The following AGBL1 variants were observed in gnomAD, a reference collection of about 807,000 sequenced individuals.
AGBL1 encodes the protein AGBL carboxypeptidase 1, also known as cytosolic carboxypeptidase 4.
In AGBL1, 130 loss-of-function variants were observed where a neutral mutation model predicts 118.9. That is an observed-to-expected ratio of 1.09 (90% CI 0.95 to 1.26). The LOEUF is 1.26. Among genes scored for constraint, AGBL1 ranks in the 50% most tolerant of loss-of-function variants. The probability of loss-of-function intolerance (pLI) is 0.00; values close to 1 mark genes in which losing one functional copy is unlikely to be tolerated. For missense variants in AGBL1, 1,584 were observed against 1,298.1 expected, an observed-to-expected ratio of 1.22 and a Z score of -3.38; for synonymous variants, 555 against 478.9, an observed-to-expected ratio of 1.16 and a Z score of -2.08.
At chr15:86,845,494 A>G (rs976418187) in intron 22 of AGBL1, among the ~76,000 whole-genome samples, 3 of 151,972 alleles carry the variant, frequency 2.0e-5, no homozygotes, top group Non-Finnish European at 2.9e-5. Flanking sequence ...GCTTTGCCCA[A>G]TTTGGTTTGC....
chr15:86,578,580 C>T (rs575619904), intron 21 of AGBL1, among the ~76,000 whole-genome samples: 1 of 152,136 alleles, frequency 6.6e-6, no homozygotes, highest in Non-Finnish European at 1.5e-5. Flanking sequence ...TATGGTTTGG[C>T]TGTATCCCCA....
intron 1 of AGBL1, among the ~76,000 whole-genome samples, chr15:86,132,742 C>G (rs892212719): frequency 6.6e-6 from 1 of 152,164 alleles, no homozygotes; most frequent in Admixed American, 6.5e-5. Flanking sequence ...ACGTGCCGGG[C>G]ATTGTTGACA....
chr15:86,692,126 T>A (rs1047068097), intron 22 of AGBL1, among the ~76,000 whole-genome samples: 3 of 151,726 alleles, frequency 2.0e-5, no homozygotes, highest in African/African-American at 7.3e-5. Context: ...TGCAGTGAGC[T>A]GACATTGCAC....
At chr15:86,709,041 G>C (rs1365477744) in intron 22 of AGBL1, among the ~76,000 whole-genome samples, 3 of 152,072 alleles carry the variant, frequency 2.0e-5, no homozygotes, top group Non-Finnish European at 4.4e-5. Context: ...TTTTCTCAAA[G>C]CTCAAATGCC....
intron 18 of AGBL1, among the ~76,000 whole-genome samples, chr15:86,438,202 G>A (rs372213588): frequency 6.6e-6 from 1 of 152,058 alleles, no homozygotes; most frequent in African/African-American, 2.4e-5. Context: ...CACTGCACCC[G>A]GCCAAGCCTC....
intron 24 of AGBL1, among the ~76,000 whole-genome samples, chr15:87,014,991 T>A (rs971865949): frequency 3.3e-5 from 5 of 152,074 alleles, no homozygotes; most frequent in African/African-American, 1.2e-4. Context: ...GTGGTGAAGA[T>A]TGCGCTCAAT....
chr15:86,203,967 A>C (rs537378683), intron 5 of AGBL1, among the ~76,000 whole-genome samples: 1 of 152,170 alleles, frequency 6.6e-6, no homozygotes. Context: ...TAAAATAAAA[A>C]TTTATTTATG....
intron 21 of AGBL1, among the ~76,000 whole-genome samples, chr15:86,561,125 A>C (rs2083812816): frequency 6.6e-6 from 1 of 152,132 alleles, no homozygotes; most frequent in South Asian, 2.1e-4. Context: ...TGCTGTGCAG[A>C]AGCTCTTTAG....
chr15:86,820,464 A>G (rs906458394), intron 22 of AGBL1, among the ~76,000 whole-genome samples: 5 of 151,926 alleles, frequency 3.3e-5, no homozygotes, highest in Admixed American at 3.3e-4. Context: ...ATCCCATCAA[A>G]AAGGAACTTA....
chr15:86,200,686 G>T (rs185992589), intron 5 of AGBL1, among the ~76,000 whole-genome samples: 1 of 150,546 alleles, frequency 6.6e-6, no homozygotes, highest in Admixed American at 6.6e-5. Context: ...GCGCGATCTC[G>T]GCTCACTGCA....
chr15:86,137,495 C>T (rs2076904586), intron 1 of AGBL1, among the ~76,000 whole-genome samples: 1 of 152,160 alleles, frequency 6.6e-6, no homozygotes. Context: ...ATGTGGGGGG[C>T]TCCTTAGAGT....
intron 1 of AGBL1, chr15:86,140,206 T>C (rs1378061002): frequency 6.6e-6 from 1 of 152,268 alleles, no homozygotes; most frequent in Non-Finnish European, 1.5e-5. Flanking sequence ...TTTTTTCAAT[T>C]AATTAATTTT....
At chr15:86,148,575 G>T (rs540595981) in intron 3 of AGBL1, among the ~76,000 whole-genome samples, 54 of 152,198 alleles carry the variant, frequency 3.5e-4, no homozygotes, top group African/African-American at 1.3e-3. Context: ...CAAGGTTAGA[G>T]AAAAAAGAGT....
intron 17 of AGBL1, among the ~76,000 whole-genome samples, chr15:86,319,205 A>G (rs149233308): frequency 6.6e-6 from 1 of 152,298 alleles, no homozygotes; most frequent in Non-Finnish European, 1.5e-5. Context: ...AGGGAATCAT[A>G]GTATCTAGGA....
chr15:86,333,674 A>C (rs1301826894), intron 17 of AGBL1, among the ~76,000 whole-genome samples: 1 of 152,202 alleles, frequency 6.6e-6, no homozygotes. Context: ...CTCCTTCCTA[A>C]CTTATTCTAT....
intron 5 of AGBL1, among the ~76,000 whole-genome samples, chr15:86,220,000 G>A (rs1303683890): frequency 7.0e-6 from 1 of 142,506 alleles, no homozygotes. Context: ...TGCCCGGGCT[G>A]GAGTGCAGTG....
intron 22 of AGBL1, among the ~76,000 whole-genome samples, chr15:86,729,609 T>C (rs1201404429): frequency 2.6e-5 from 4 of 152,240 alleles, no homozygotes; most frequent in Non-Finnish European, 2.9e-5. Context: ...GACATGACTT[T>C]GTTCTTTTTT....
intron 21 of AGBL1, among the ~76,000 whole-genome samples, chr15:86,587,940 T>A (rs1299152749): frequency 6.6e-6 from 1 of 152,206 alleles, no homozygotes; most frequent in Non-Finnish European, 1.5e-5. Context: ...GAACCCAGAC[T>A]TGTCTTTTAG....
At chr15:86,957,358 A>G (rs972592254) in intron 23 of AGBL1, among the ~76,000 whole-genome samples, 3 of 152,100 alleles carry the variant, frequency 2.0e-5, no homozygotes, top group African/African-American at 7.2e-5. Context: ...AGAAGAAAAA[A>G]TTTCAATAAA....
Sources: allele counts gnomAD v4.1 joint callset (sites outside exome capture counted in the v4.1 genomes callset), GRCh38; gene constraint gnomAD v4.1.1; transcripts MANE v1.5; gene names NCBI Gene and HGNC (gene_info 2026-07-23, HGNC 2026-07-21).